The following STK26 variants were observed in gnomAD, a reference collection of about 807,000 sequenced individuals.
The protein encoded by STK26 is serine/threonine kinase 26.
STK26 carries 14 observed loss-of-function variants against 34.7 expected under a neutral mutation model. The ratio of observed to expected loss-of-function variants is 0.40; its 90% confidence interval spans 0.27 to 0.63. The LOEUF is 0.63. Ranked by LOEUF, STK26 falls within the 30% of genes least tolerant of loss-of-function variation. The pLI is 0.38. For missense variants in STK26, 226 were observed against 309.1 expected (o/e 0.73, Z 2.02); for synonymous variants, 100 against 109.8 (o/e 0.91, Z 0.56).
intron 2 of STK26, among the ~76,000 whole-genome samples, chrX:132,029,839 T>G (rs1205370315): frequency 1.8e-5 from 2 of 111,654 alleles, no homozygotes; most frequent in Non-Finnish European, 3.8e-5. Flanking sequence ...TAGTAGACAG[T>G]CTTGTCCTTA....
intron 2 of STK26, among the ~76,000 whole-genome samples, chrX:132,036,420 C>T (rs1433662683): frequency 9.0e-6 from 1 of 111,523 alleles, no homozygotes; most frequent in Admixed American, 9.5e-5. Flanking sequence ...CATGGTAAAA[C>T]CCTGTCTCTA....
chrX:132,050,901 T>C (rs758820504), intron 2 of STK26, among the ~76,000 whole-genome samples: 1 of 111,797 alleles, frequency 8.9e-6, no homozygotes, highest in East Asian at 2.8e-4. Flanking sequence ...GAGACTAGTG[T>C]TCAAATGACT....
intron 2 of STK26, among the ~76,000 whole-genome samples, chrX:132,038,180 A>G (rs995814947): frequency 2.9e-4 from 32 of 111,230 alleles, no homozygotes; most frequent in African/African-American, 8.8e-4. Flanking sequence ...GAACAGAAAA[A>G]CAGTATTTCC....
chrX:132,031,320 A>AT (rs1157525816), intron 2 of STK26, among the ~76,000 whole-genome samples: 1 of 111,821 alleles, frequency 8.9e-6, no homozygotes. Context: ...AACATTTATC[A>AT]TTTTTTTGTG....
chrX:132,058,513 T>C (rs1340617107), intron 3 of STK26, among the ~76,000 whole-genome samples: 1 of 111,799 alleles, frequency 8.9e-6, no homozygotes, highest in African/African-American at 3.2e-5. Flanking sequence ...TGCTTATTTA[T>C]TCATATTCAA....
chrX:132,069,667 A>T lies in STK26; in HGVS notation c.783+4A>T. The T allele has an allele frequency of 9.4e-7, 1 of 1,068,362 alleles. No homozygotes were observed. The highest frequency in any genetic ancestry group is 1.2e-6 in the Non-Finnish European group (1 of 816,777). 88.0% of individuals were successfully genotyped at this position (1,068,362 alleles called of 1,213,427 possible). A position where few individuals can be genotyped will look rare whatever the true frequency, so the allele number is the denominator to read the frequency against. ...CCTGAACAAAGATCCATCATTTGTGAGTATATATTGCTATTATTACTATTT... is the reference window on the plus strand; with the variant it reads ...CCTGAACAAAGATCCATCATTTGTGTGTATATATTGCTATTATTACTATTT... On this transcript the variant is annotated splice_donor_region_variant and intron_variant, in intron 7 of 11. Coordinates refer to ENST00000394334, the MANE Select transcript of STK26 (RefSeq NM_016542.4).
At chrX:132,047,930 C>G (rs1180262963) in intron 2 of STK26, among the ~76,000 whole-genome samples, 1 of 111,572 alleles carries the variant, frequency 9.0e-6, no homozygotes, top group African/African-American at 3.3e-5. Flanking sequence ...CTTTCTGTGC[C>G]TAGCTTTCTT....
chrX:132,051,037 C>A (rs1317102525), intron 2 of STK26, among the ~76,000 whole-genome samples: 1 of 111,452 alleles, frequency 9.0e-6, no homozygotes, highest in African/African-American at 3.3e-5. Context: ...ATAGGTAGTT[C>A]TAATTTATAG....
At chrX:132,051,955 A>AT (rs1465067897) in intron 2 of STK26, among the ~76,000 whole-genome samples, 1 of 110,646 alleles carries the variant, frequency 9.0e-6, no homozygotes, top group African/African-American at 3.3e-5. Context: ...ATAGTATTCC[A>AT]TGGTGTATAT....
chrX:132,066,800 C>T (rs1325656488), intron 4 of STK26, among the ~76,000 whole-genome samples: 1 of 111,553 alleles, frequency 9.0e-6, no homozygotes, highest in Non-Finnish European at 1.9e-5. Context: ...GCTAGTAGGT[C>T]GTACATTAAT....
At position 132,075,879 on chromosome X, in the gene STK26, T is replaced by G. The variant is rs1179453855; in HGVS notation, c.*1720T>G. 1.8e-5 allele frequency: 2 copies of G among 112,049 alleles called. No homozygotes were observed. The highest frequency in any genetic ancestry group is 6.5e-5 in the African/African-American group (2 of 30,940). 9.2% of individuals were successfully genotyped at this position (112,049 alleles called of 1,213,427 possible). Reference sequence around the variant, plus strand: ...TTATAGCTATTCGTCCTGTAATCTGTTTCTAGGTGAAGCATACTCCAGTGT... The same window carrying G: ...TTATAGCTATTCGTCCTGTAATCTGGTTCTAGGTGAAGCATACTCCAGTGT... On this transcript the variant is annotated 3_prime_UTR_variant, in exon 12 of 12. Coordinates refer to ENST00000394334, the MANE Select transcript of STK26 (RefSeq NM_016542.4).
chrX:132,028,009 C>T (rs999784803), intron 2 of STK26, among the ~76,000 whole-genome samples: 44 of 104,344 alleles, frequency 4.2e-4, no homozygotes, highest in Middle Eastern at 9.8e-3. Flanking sequence ...GTGCACGCCA[C>T]CATGCCTGGC....
chrX:132,034,128 A>AT (rs59381347), intron 2 of STK26, among the ~76,000 whole-genome samples: 1 of 99,153 alleles, frequency 1.0e-5, no homozygotes, highest in African/African-American at 3.7e-5. Context: ...ATATATATAT[A>AT]AAATAAAAAA....
intron 2 of STK26, among the ~76,000 whole-genome samples, chrX:132,053,308 A>G (rs1412930726): frequency 9.0e-6 from 1 of 111,626 alleles, no homozygotes; most frequent in Non-Finnish European, 1.9e-5. Context: ...GGGGAAGCTT[A>G]TAAGGTAAAC....
chrX:132,024,457 CTT>C (rs1184331760), intron 2 of STK26, among the ~76,000 whole-genome samples: 1 of 111,736 alleles, frequency 8.9e-6, no homozygotes, highest in Non-Finnish European at 1.9e-5. Flanking sequence ...TGTCAGAAAA[CTT>C]TTTATGCTGT....
intron 2 of STK26, among the ~76,000 whole-genome samples, chrX:132,023,972 G>C (rs1262806277): frequency 9.0e-6 from 1 of 111,600 alleles, no homozygotes; most frequent in Non-Finnish European, 1.9e-5. Flanking sequence ...TTGGGGATGG[G>C]GGGGCGGAAC....
chrX:132,061,005 CT>C (rs776342053), intron 3 of STK26, among the ~76,000 whole-genome samples: 27 of 111,985 alleles, frequency 2.4e-4, no homozygotes, highest in Middle Eastern at 4.6e-3. Context: ...GTATATACTA[CT>C]TTGTAAAGTC....
chrX:132,041,351 T>G (rs1177788484), intron 2 of STK26, among the ~76,000 whole-genome samples: 2 of 111,598 alleles, frequency 1.8e-5, no homozygotes, highest in East Asian at 5.6e-4. Flanking sequence ...AAGGGAATTC[T>G]AAGGTTGCGT....
chrX:132,056,740 C>T (rs914715676), intron 3 of STK26, among the ~76,000 whole-genome samples: 3 of 112,330 alleles, frequency 2.7e-5, no homozygotes, highest in African/African-American at 6.5e-5. Flanking sequence ...GTACAAATAC[C>T]CCCTACTGCT....
Sources: gnomAD v4.1 joint callset for allele counts (sites outside exome capture counted in the v4.1 genomes callset) on GRCh38, gnomAD v4.1.1 for gene constraint, MANE v1.5 for transcripts, NCBI Gene and HGNC (gene_info 2026-07-23, HGNC 2026-07-21) for gene names.